Variants in RSPRY1 observed in about 807,000 individuals in gnomAD.
RSPRY1 encodes the protein RING finger and SPRY domain-containing protein 1.
Under a neutral mutation model 73.1 loss-of-function variants are expected in RSPRY1, and 23 were observed. The observed-to-expected ratio is 0.31, with a 90% CI of 0.23 to 0.45. The LOEUF (loss-of-function observed/expected upper bound fraction) is 0.45. Among genes scored for constraint, RSPRY1 ranks in the 20% least tolerant of loss-of-function variants. The probability of loss-of-function intolerance (pLI) is 1.00; values close to 1 mark genes in which losing one functional copy is unlikely to be tolerated. For missense variants in RSPRY1, 448 were observed against 698.7 expected (o/e 0.64, Z 4.05); for synonymous variants, 226 against 251.4 (o/e 0.90, Z 0.95).
In RSPRY1 at chr16:57,213,896, A is replaced by G; in HGVS notation, c.652A>G (p.Ser218Gly). The G allele has an allele frequency of 6.2e-7, 1 of 1,604,666 alleles. No individual in the cohort carries two copies. Among genetic ancestry groups the G allele is most frequent in the Non-Finnish European group, 8.5e-7 (1 of 1,171,350 alleles). Reference protein sequence around the residue: ...CLAEKLAGPASIGLLSPGILE... With the variant: ...CLAEKLAGPAGIGLLSPGILE... ...TTGTTGTATTTGTCTAGGTCCTGCA[A>G]GTATAGGTTTACTTAGCCCAGGAAT... is the stretch of plus-strand genomic sequence containing the variant. Residue 218 changes from serine to glycine, a missense_variant, in exon 6 of 15, where the codon AGT becomes GGT. Transcript: ENST00000394420.
chr16:57,216,953 C>T lies in RSPRY1; in HGVS notation c.819C>T (p.Val273=), dbSNP rs770264013. ...ISESSISDRL[V]TLESWANDPD... ...AATCCAGTATTAGTGACCGGCTTGTCACATTGGAGTCCTGGGCTAATGATC... is the reference window on the plus strand; with the variant it reads ...AATCCAGTATTAGTGACCGGCTTGTTACATTGGAGTCCTGGGCTAATGATC... The change falls in exon 8 of 15, where the codon GTC becomes GTT. Residue 273 remains valine (V), a synonymous_variant. Transcript: ENST00000394420. 1 of 1,613,690 alleles carries T rather than the reference C, an allele frequency of 6.2e-7. No homozygotes were observed. The highest frequency in any genetic ancestry group is 1.1e-5 in the South Asian group (1 of 91,072).
Position 57,212,954 on chromosome 16 carries a change from T to A in RSPRY1, c.517-18T>A, listed in dbSNP as rs1241374580. The A allele has an allele frequency of 6.2e-7, 1 of 1,612,606 alleles. No individual in the cohort carries two copies. The highest frequency in any genetic ancestry group is 8.5e-7 in the Non-Finnish European group (1 of 1,179,238). On this transcript the variant is annotated intron_variant, in intron 4 of 14. Coordinates refer to ENST00000394420, the MANE Select transcript of RSPRY1 (RefSeq NM_133368.3). ...GTGTAGTATATGGGTCAAACCCACTTGTACTTTTTTGTTTTAGGATGCACT... is the reference window on the plus strand; with the variant it reads ...GTGTAGTATATGGGTCAAACCCACTAGTACTTTTTTGTTTTAGGATGCACT...
intron 11 of RSPRY1, among the ~76,000 whole-genome samples, chr16:57,230,450 A>G (rs1455553302): frequency 6.6e-6 from 1 of 152,218 alleles, no homozygotes; most frequent in Non-Finnish European, 1.5e-5. Context: ...ATTTTTCCCC[A>G]CATTTTAACA....
chr16:57,218,893 G>A lies in RSPRY1; in HGVS notation c.902-1839G>A, dbSNP rs915834414. On this transcript the variant is annotated intron_variant, in intron 8 of 14. Transcript: ENST00000394420. ...TGGGACTACAGGCGCCCGCCACTAC[G>A]CCCGGCTAATTTTTTTGTATTTTTA... 1.1e-4 allele frequency among the ~76,000 whole-genome samples: 16 copies of A among 141,006 alleles called. 1 individual carries two copies. Among genetic ancestry groups the A allele is most frequent in the Non-Finnish European group, 2.4e-4 (16 of 65,740 alleles). The allele number at this position is 141,006 out of a possible 152,430, so 92.5% of individuals were successfully genotyped here.
chr16:57,216,310 G>A, intron 7 of RSPRY1, 137 bp downstream of exon 7: 2 of 646,802 alleles, frequency 3.1e-6, no homozygotes. Context: ...GGATAGACAC[G>A]TTAAAGCCAA....
chr16:57,205,057 C>A, intron 2 of RSPRY1, 49 bp downstream of exon 2: 1 of 1,434,262 alleles, frequency 7.0e-7, no homozygotes, highest in Non-Finnish European at 9.6e-7. Flanking sequence ...AAGTGTTCTG[C>A]CCGGAACCAT....
chr16:57,210,075 T>TTCCTTCC (rs1193753684), intron 4 of RSPRY1, among the ~76,000 whole-genome samples: 44 of 138,184 alleles, frequency 3.2e-4, no homozygotes, highest in African/African-American at 6.3e-4. Context: ...TCCTTCCTTC[T>TTCCTTCC]TTCCTTCCCT....
At chr16:57,196,281 AC>A (rs1392242506) in intron 1 of RSPRY1, among the ~76,000 whole-genome samples, 32 of 151,796 alleles carry the variant, frequency 2.1e-4, no homozygotes, top group African/African-American at 7.3e-4. Context: ...TTTTAGGCTG[AC>A]CTCTCCAAAA....
chr16:57,209,042 C>T, intron 3 of RSPRY1, 33 bp from the exon 4 acceptor site: 2 of 1,352,430 alleles, frequency 1.5e-6, no homozygotes, highest in Non-Finnish European at 2.1e-6. Flanking sequence ...AAAATAGTGA[C>T]TCCATCATAT....
chr16:57,234,023 C>T (rs1189606510), intron 13 of RSPRY1, among the ~76,000 whole-genome samples: 5 of 152,174 alleles, frequency 3.3e-5, no homozygotes, highest in East Asian at 1.9e-4. Flanking sequence ...ATTCACTGAA[C>T]GGAAAAGCCA....
intron 4 of RSPRY1, among the ~76,000 whole-genome samples, chr16:57,210,213 G>A (rs535373483): frequency 1.7e-4 from 26 of 151,780 alleles, no homozygotes; most frequent in Non-Finnish European, 3.4e-4. Flanking sequence ...CATGTTGCTG[G>A]ACTACAGGCA....
At chr16:57,227,502 G>A (rs777714316) in intron 11 of RSPRY1, 49 bp downstream of exon 11, 1 of 1,273,638 alleles carries the variant, frequency 7.9e-7, no homozygotes, top group South Asian at 1.2e-5. Flanking sequence ...AAGACATCTG[G>A]TTATTATGAG....
At chr16:57,198,415 G>A (rs1012028239) in intron 1 of RSPRY1, among the ~76,000 whole-genome samples, 2 of 151,962 alleles carry the variant, frequency 1.3e-5, no homozygotes, top group Non-Finnish European at 2.9e-5. Context: ...ATGGAAATCT[G>A]CATAGATTAT....
rs980907835 is a variant in RSPRY1, at chr16:57,239,527, A to G, written c.*552A>G. Reference sequence around the variant, plus strand: ...ACAGAGAACCTGAAAGAAGGTGCACAGACTGTAAGAAAAAACCCAAGTTTG... The same window carrying G: ...ACAGAGAACCTGAAAGAAGGTGCACGGACTGTAAGAAAAAACCCAAGTTTG... On this transcript the variant is annotated 3_prime_UTR_variant, in exon 15 of 15. Coordinates refer to ENST00000394420, the MANE Select transcript of RSPRY1 (RefSeq NM_133368.3). The G allele has an allele frequency of 1.6e-4, 24 of 152,334 alleles. No individual in the cohort carries two copies. The highest frequency in any genetic ancestry group is 5.8e-4 in the African/African-American group (24 of 41,584). The allele number at this position is 152,334 out of a possible 1,614,324, so 9.4% of individuals were successfully genotyped here. A position where few individuals can be genotyped will look rare whatever the true frequency, so the allele number is the denominator to read the frequency against.
chr16:57,200,713 T>A (rs1451310013), intron 1 of RSPRY1, among the ~76,000 whole-genome samples: 9 of 87,890 alleles, frequency 1.0e-4, no homozygotes. Context: ...GCAGAGGGGC[T>A]CCTCTCTTCC....
intron 8 of RSPRY1, chr16:57,219,935 T>C (rs1000159032): frequency 1.2e-4 from 19 of 152,230 alleles, no homozygotes; most frequent in Non-Finnish European, 2.4e-4. Context: ...CAATGTATGT[T>C]CTTGGCACCT....
chr16:57,189,156 G>A (rs1334384370), intron 1 of RSPRY1, among the ~76,000 whole-genome samples: 2 of 151,664 alleles, frequency 1.3e-5, no homozygotes, highest in Non-Finnish European at 2.9e-5. Context: ...ACCCGTGCCT[G>A]GCTAATTTTT....
intron 8 of RSPRY1, chr16:57,220,455 A>C (rs984567272): frequency 5.1e-6 from 1 of 195,024 alleles, no homozygotes; most frequent in African/African-American, 2.3e-5. Context: ...ATTGTTTGCT[A>C]TTGGCATATA....
intron 8 of RSPRY1, chr16:57,219,878 T>C (rs2075006969): frequency 6.6e-6 from 1 of 152,216 alleles, no homozygotes; most frequent in Non-Finnish European, 1.5e-5. Flanking sequence ...TGCTTATGGA[T>C]ATGTAGTTTT....
Sources: allele counts gnomAD v4.1 joint callset (sites outside exome capture counted in the v4.1 genomes callset), GRCh38; gene constraint gnomAD v4.1.1; transcripts MANE v1.5; gene names NCBI Gene and HGNC (gene_info 2026-07-23, HGNC 2026-07-21).